CWC15: variants seen among roughly 807,000 people sequenced by gnomAD.
The protein encoded by CWC15 is CWC15 spliceosome associated protein.
In CWC15, 12 loss-of-function variants were observed where a neutral mutation model predicts 28.4. The observed-to-expected ratio is 0.42, with a 90% CI of 0.27 to 0.69. The LOEUF is 0.69. Ranked by LOEUF, CWC15 falls within the 30% of genes least tolerant of loss-of-function variation. The pLI is 0.23. For missense variants in CWC15, 192 were observed against 271.5 expected, an observed-to-expected ratio of 0.71 and a Z score of 2.06; for synonymous variants, 92 against 88.4, an observed-to-expected ratio of 1.04 and a Z score of -0.23.
intron 5 of CWC15, among the ~76,000 whole-genome samples, chr11:94,968,887 T>C (rs1348276595): frequency 1.3e-5 from 2 of 152,202 alleles, no homozygotes; most frequent in Non-Finnish European, 2.9e-5. Flanking sequence ...AATAAAATTT[T>C]ACACAGAAAT....
Position 94,966,332 on chromosome 11 carries a change from G to A in CWC15, c.523C>T (p.Pro175Ser), listed in dbSNP as rs1329978034. Residue 175 changes from proline (P) to serine (S), a missense_variant, in exon 6 of 7, where the codon CCA (proline) becomes TCA (serine). Around this residue, in one of 2 missense-constraint regions of CWC15, gnomAD observed 188 missense variants for 250.3 expected, o/e 0.75. Coordinates refer to ENST00000279839, the MANE Select transcript of CWC15 (RefSeq NM_016403.4). ...SGNPLLNLTG[P>S]SQPQANFKVK... ...TTGAAGTTGGCCTGAGGCTGGGATG[G>A]GCCAGTGAGATTAAGGAGAGGGTTT... 1.9e-6 allele frequency: 3 copies of A among 1,558,388 alleles called. No individual in the cohort carries two copies. Among genetic ancestry groups the A allele is most frequent in the African/African-American group, 1.4e-5 (1 of 73,418 alleles).
rs1857712757 is a variant in CWC15 at position 94,971,055 on chromosome 11, G to A, written c.255C>T (p.Thr85=). The change falls in exon 4 of 7, where the codon ACC becomes ACT. Residue 85 remains threonine, a synonymous_variant. Transcript: ENST00000279839. Reference sequence around the variant, plus strand: ...GTGGCTTTTTTGACACTGAAGAGGAGGTTGTATGTTCTGGGGGGAAACAAA... The same window carrying A: ...GTGGCTTTTTTGACACTGAAGAGGAAGTTGTATGTTCTGGGGGGAAACAAA... ...NRDRPTREHT[T]SSSVSKKPRL... is the part of the protein sequence containing the mutation. 1.2e-6 allele frequency: 2 copies of A among 1,613,422 alleles called. No individual in the cohort carries two copies. Among genetic ancestry groups the A allele is most frequent in the Non-Finnish European group, 8.5e-7 (1 of 1,179,424 alleles).
Position 94,963,368 on chromosome 11 carries a change from A to G in CWC15, c.*17T>C. On this transcript the variant is annotated 3_prime_UTR_variant, in exon 7 of 7. Coordinates refer to ENST00000279839, the MANE Select transcript of CWC15 (RefSeq NM_016403.4). ...CCTTTACGTTTTACAGTCTTTAATT[A>G]AGCACATAAAACTGTACTATTTAAT... 2 of 1,541,046 alleles carry G rather than the reference A, an allele frequency of 1.3e-6. No homozygotes were observed. The highest frequency in any genetic ancestry group is 1.8e-6 in the Non-Finnish European group (2 of 1,141,692).
intron 6 of CWC15, among the ~76,000 whole-genome samples, chr11:94,965,443 A>AAC (rs1397610515): frequency 3.9e-5 from 6 of 152,196 alleles, no homozygotes; most frequent in Non-Finnish European, 5.9e-5. Flanking sequence ...TACCCCTCCA[A>AAC]ACACACACAC....
intron 6 of CWC15, among the ~76,000 whole-genome samples, chr11:94,964,014 G>A (rs1318286172): frequency 1.3e-5 from 2 of 151,934 alleles, no homozygotes; most frequent in Non-Finnish European, 2.9e-5. Flanking sequence ...GGAATCATTG[G>A]GGTATAATAA....
rs1170687160 is a variant in CWC15 at position 94,963,088 on chromosome 11, A to G, written c.*297T>C. On this transcript the variant is annotated 3_prime_UTR_variant, in exon 7 of 7. Transcript: ENST00000279839. ...ATGGAATGTATTACTAGCAGCATAAATTCCAACAAAAAGTTGGGCACCCAG... is the reference window on the plus strand; with the variant it reads ...ATGGAATGTATTACTAGCAGCATAAGTTCCAACAAAAAGTTGGGCACCCAG... The G allele has an allele frequency of 4.8e-6, 1 of 210,398 alleles. No homozygotes were observed. Among genetic ancestry groups the G allele is most frequent in the African/African-American group, 2.3e-5 (1 of 43,688 alleles). 13.0% of individuals were successfully genotyped at this position (210,398 alleles called of 1,614,324 possible).
At chr11:94,969,958 T>C in intron 5 of CWC15, 31 bp downstream of exon 5, 7 of 1,413,804 alleles carry the variant, frequency 5.0e-6, no homozygotes, top group South Asian at 4.5e-5. Flanking sequence ...TGTGAGAAGA[T>C]AGATGTAAAT....
At chr11:94,970,704 A>G (rs896221037) in intron 4 of CWC15, 10 of 421,386 alleles carry the variant, frequency 2.4e-5, no homozygotes, top group Non-Finnish European at 4.4e-5. Context: ...GCAGTAGTTT[A>G]GTACAGGACA....
intron 2 of CWC15, among the ~76,000 whole-genome samples, chr11:94,971,738 T>C (rs587639347): frequency 3.9e-5 from 6 of 152,368 alleles, no homozygotes; most frequent in African/African-American, 1.4e-4. Context: ...TTAAAATGTC[T>C]TTAATTTTTA....
chr11:94,971,523 T>A (rs782731861), intron 2 of CWC15, 36 bp from the exon 3 acceptor site: 74 of 985,010 alleles, frequency 7.5e-5, no homozygotes, highest in Non-Finnish European at 4.6e-6. Flanking sequence ...AAATGTTACT[T>A]AAACACACAC....
intron 6 of CWC15, among the ~76,000 whole-genome samples, chr11:94,965,476 G>A (rs1191549397): frequency 1.3e-5 from 2 of 152,136 alleles, no homozygotes; most frequent in African/African-American, 4.8e-5. Flanking sequence ...TTAAAAAGCA[G>A]GCCTAGTACT....
At chr11:94,971,965 C>T (rs1195807526) in intron 2 of CWC15, 90 bp downstream of exon 2, 6 of 1,140,484 alleles carry the variant, frequency 5.3e-6, no homozygotes, top group Non-Finnish European at 7.4e-6. Context: ...AGATAAGTGA[C>T]ATAACTCAAA....
Position 94,969,209 on chromosome 11 carries a change from C to A in CWC15, c.441+780G>T, listed in dbSNP as rs192031209. Among the ~76,000 whole-genome samples, 5 of 152,296 alleles carry A rather than the reference C, an allele frequency of 3.3e-5. No homozygotes were observed. The East Asian group carries it at 9.6e-4, about 29-fold the overall frequency. On this transcript the variant is annotated intron_variant, in intron 5 of 6. Coordinates refer to ENST00000279839, the MANE Select transcript of CWC15 (RefSeq NM_016403.4). ...AGCTTTATCAGCATCTAATTACTTA[C>A]CTCAATTCCAACTCCTATCATACAA...
intron 1 of CWC15, among the ~76,000 whole-genome samples, chr11:94,972,864 T>TA (rs1565415116): frequency 6.6e-5 from 10 of 151,796 alleles, no homozygotes; most frequent in East Asian, 1.9e-4. Context: ...TAAGGCCTGT[T>TA]CAAAAAAAAC....
intron 5 of CWC15, among the ~76,000 whole-genome samples, chr11:94,968,513 A>G (rs1208229099): frequency 6.6e-6 from 1 of 152,190 alleles, no homozygotes; most frequent in South Asian, 2.1e-4. Flanking sequence ...GCTCATCTCT[A>G]TGTGTCCAGA....
Position 94,970,103 on chromosome 11 carries a change from G to T in CWC15, c.334-7C>A. On this transcript the variant is annotated splice_region_variant and splice_polypyrimidine_tract_variant and intron_variant, in intron 4 of 6. Transcript: ENST00000279839. ...CAAAATCTTCATCTTCCTCCTAAAA[G>T]AACAGTGAGAGCCCAGAAGATTGGA... is the stretch of plus-strand genomic sequence containing the variant. 1 of 1,386,538 alleles carries T rather than the reference G, an allele frequency of 7.2e-7. No individual in the cohort carries two copies. The highest frequency in any genetic ancestry group is 1.0e-6 in the Non-Finnish European group (1 of 1,001,506). The allele number at this position is 1,386,538 out of a possible 1,614,324, so 85.9% of individuals were successfully genotyped here.
At chr11:94,968,485 A>T (rs144385663) in intron 5 of CWC15, among the ~76,000 whole-genome samples, 242 of 152,338 alleles carry the variant, frequency 1.6e-3, no homozygotes, top group Middle Eastern at 6.8e-3. Flanking sequence ...CTCAAGGTCA[A>T]CCAAAAGCAT....
At chr11:94,971,934 G>A in intron 2 of CWC15, 121 bp downstream of exon 2, 1 of 916,250 alleles carries the variant, frequency 1.1e-6, no homozygotes, top group South Asian at 1.8e-5. Context: ...ACATCCTATT[G>A]CATTCTATTC....
At chr11:94,969,537 T>C (rs1375845568) in intron 5 of CWC15, among the ~76,000 whole-genome samples, 1 of 151,972 alleles carries the variant, frequency 6.6e-6, no homozygotes, top group African/African-American at 2.4e-5. Flanking sequence ...TTTCCTCATA[T>C]TGTGTAAACA....
Sources: allele counts gnomAD v4.1 joint callset (sites outside exome capture counted in the v4.1 genomes callset), GRCh38; gene constraint gnomAD v4.1.1; regional missense constraint gnomAD v4.1.1; transcripts MANE v1.5; gene names NCBI Gene and HGNC (gene_info 2026-07-23, HGNC 2026-07-21).